Variants in ATP6V1E1 observed in about 807,000 individuals in gnomAD.
ATP6V1E1 encodes the protein ATPase H+ transporting V1 subunit E1, also known as V-type proton ATPase subunit E 1.
ATP6V1E1 carries 21 observed loss-of-function variants against 35.2 expected under a neutral mutation model. The observed-to-expected ratio is 0.60, with a 90% CI of 0.42 to 0.86. The LOEUF (loss-of-function observed/expected upper bound fraction) is 0.86, where lower values mean the gene tolerates loss of function less well. Ranked by LOEUF, ATP6V1E1 falls within the 40% of genes least tolerant of loss-of-function variation. The pLI, the probability that ATP6V1E1 is intolerant of heterozygous loss-of-function variation, is 0.00. For synonymous variants in ATP6V1E1, 83 were observed against 87.8 expected (o/e 0.95, Z 0.30); for missense variants, 183 against 272.6 (o/e 0.67, Z 2.32).
At position 17,619,497 on chromosome 22, in the gene ATP6V1E1, T is replaced by C; in HGVS notation, c.63A>G (p.Gln21=). 6.2e-7 allele frequency: 1 copy of C among 1,604,924 alleles called. No homozygotes were observed. Among genetic ancestry groups the C allele is most frequent in the Non-Finnish European group, 8.5e-7 (1 of 1,176,504 alleles). Residue 21 remains glutamine (Q), a synonymous_variant, in exon 2 of 9, where the codon CAA becomes CAG. Coordinates refer to ENST00000253413, the MANE Select transcript of ATP6V1E1 (RefSeq NM_001696.4). ...QIKHMMAFIE[Q]EANEKAEEID... is the part of the protein sequence containing the mutation. ...TTTCTTCTGCTTTCTCATTGGCTTC[T>C]TGTTCAATGAAAGCCATCATATGCT...
chr22:17,618,412 G>T (rs2057857236), intron 2 of ATP6V1E1, among the ~76,000 whole-genome samples: 1 of 152,096 alleles, frequency 6.6e-6, no homozygotes, highest in African/African-American at 2.4e-5. Flanking sequence ...GCCGGGTGTG[G>T]TGGCTCATGC....
chr22:17,606,955 T>C (rs528731976), intron 4 of ATP6V1E1, among the ~76,000 whole-genome samples: 1 of 152,308 alleles, frequency 6.6e-6, no homozygotes, highest in East Asian at 1.9e-4. Flanking sequence ...TTATTTTCTA[T>C]TAAATCTGAT....
intron 2 of ATP6V1E1, among the ~76,000 whole-genome samples, chr22:17,614,659 CG>C: frequency 7.3e-6 from 1 of 137,678 alleles, no homozygotes; most frequent in Non-Finnish European, 1.5e-5. Context: ...GCAACAAAAG[CG>C]AACTCTTAAA....
At chr22:17,612,067 T>C (rs1453968232) in intron 4 of ATP6V1E1, among the ~76,000 whole-genome samples, 10 of 152,228 alleles carry the variant, frequency 6.6e-5, no homozygotes, top group Admixed American at 6.5e-4. Flanking sequence ...CCAGTCACAT[T>C]GCTGGATTAG....
intron 8 of ATP6V1E1, among the ~76,000 whole-genome samples, chr22:17,593,509 C>T (rs16980884): frequency 0.041 from 6,247 of 152,218 alleles, 452 homozygotes; most frequent in African/African-American, 0.14. Context: ...TTCCAAGGCT[C>T]GGCTGTCCAA....
intron 1 of ATP6V1E1, among the ~76,000 whole-genome samples, chr22:17,622,110 G>A (rs5992081): frequency 3.9e-5 from 6 of 152,188 alleles, no homozygotes; most frequent in African/African-American, 1.4e-4. Context: ...GGGATGCAAT[G>A]GTAGCTTCAT....
At position 17,624,020 on chromosome 22, in the gene ATP6V1E1, T is replaced by G. The variant is rs143099766; in HGVS notation, c.34-4494A>C. Among the ~76,000 whole-genome samples the G allele has an allele frequency of 1.5e-4, 23 of 152,354 alleles. No individual in the cohort carries two copies. The East Asian group carries it at 4.4e-3, about 29-fold the overall frequency. The stretch of plus-strand genomic sequence containing the variant: ...TAATTAAGGTTTTTAGAGTCAGGTT[T>G]CTTTGTAAATTTGATGAAATAAATT... On this transcript the variant is annotated intron_variant, in intron 1 of 8. Coordinates refer to ENST00000253413, the MANE Select transcript of ATP6V1E1 (RefSeq NM_001696.4).
chr22:17,621,010 C>T lies in ATP6V1E1; in HGVS notation c.34-1484G>A, dbSNP rs370703538. ...CCGGGAGGCGAAGCTTGCAGTGAGC[C>T]GAGATCGCGCCACTGCACACCAGCC... On this transcript the variant is annotated intron_variant, in intron 1 of 8. Coordinates refer to ENST00000253413, the MANE Select transcript of ATP6V1E1 (RefSeq NM_001696.4). Among the ~76,000 whole-genome samples the T allele has an allele frequency of 3.1e-3, 474 of 151,964 alleles. 3 individuals carry two copies. The highest frequency in any genetic ancestry group is 0.011 in the African/African-American group (442 of 41,452).
chr22:17,608,778 C>T (rs1020920237), intron 4 of ATP6V1E1, among the ~76,000 whole-genome samples: 6 of 152,144 alleles, frequency 3.9e-5, no homozygotes, highest in African/African-American at 1.4e-4. Flanking sequence ...GAAAACTATC[C>T]TAAGTTGAAA....
At chr22:17,597,435 A>G (rs1394508772) in intron 7 of ATP6V1E1, among the ~76,000 whole-genome samples, 1 of 151,884 alleles carries the variant, frequency 6.6e-6, no homozygotes, top group Non-Finnish European at 1.5e-5. Context: ...TCATTTCCTC[A>G]CAGTCATAAA....
upstream of ATP6V1E1, chr22:17,628,816 G>C: frequency 1.3e-6 from 1 of 796,018 alleles, no homozygotes; most frequent in South Asian, 1.6e-5. Flanking sequence ...TCAGCCAATG[G>C]GAAGAGAGCG....
rs1039141589 is a variant in ATP6V1E1, at chr22:17,592,519, G to A, written c.*155C>T. 4 of 768,458 alleles carry A rather than the reference G, an allele frequency of 5.2e-6. No homozygotes were observed. Among genetic ancestry groups the A allele is most frequent in the Admixed American group, 4.4e-5 (2 of 45,092 alleles). 47.6% of individuals were successfully genotyped at this position (768,458 alleles called of 1,614,324 possible). Reference sequence around the variant, plus strand: ...AGCTTTCCACCATTGTGAACAATTAGGCAAGGCATGAGTGACAGAGGGGCA... The same window carrying A: ...AGCTTTCCACCATTGTGAACAATTAAGCAAGGCATGAGTGACAGAGGGGCA... On this transcript the variant is annotated 3_prime_UTR_variant, in exon 9 of 9. Coordinates refer to ENST00000253413, the MANE Select transcript of ATP6V1E1 (RefSeq NM_001696.4).
chr22:17,615,250 G>A (rs1414671227), intron 2 of ATP6V1E1, among the ~76,000 whole-genome samples: 4 of 152,080 alleles, frequency 2.6e-5, no homozygotes, highest in African/African-American at 4.8e-5. Flanking sequence ...ACAGTGAGCC[G>A]AGATCATGCC....
At chr22:17,599,926 A>C in intron 6 of ATP6V1E1, 101 bp downstream of exon 6, 1 of 1,016,382 alleles carries the variant, frequency 9.8e-7, no homozygotes, top group South Asian at 1.5e-5. Context: ...ACTCCACCAA[A>C]AAAAAAAGAA....
At chr22:17,612,930 A>G in intron 3 of ATP6V1E1, 52 bp from the exon 4 acceptor site, 1 of 1,517,132 alleles carries the variant, frequency 6.6e-7, no homozygotes, top group Admixed American at 1.9e-5. Flanking sequence ...AACTGTAGAG[A>G]AAGAATTCGA....
chr22:17,614,929 T>C (rs1383577902), intron 2 of ATP6V1E1, among the ~76,000 whole-genome samples: 1 of 144,694 alleles, frequency 6.9e-6, no homozygotes, highest in African/African-American at 2.6e-5. Context: ...AGATCGCGCC[T>C]GGGCAGCAGA....
intron 3 of ATP6V1E1, 95 bp downstream of exon 3, chr22:17,613,116 G>T: frequency 9.1e-7 from 1 of 1,094,642 alleles, no homozygotes; most frequent in Non-Finnish European, 1.3e-6. Context: ...AGGTGGTCGA[G>T]TTAAGACCTG....
chr22:17,608,971 A>G (rs2057799846), intron 4 of ATP6V1E1, among the ~76,000 whole-genome samples: 1 of 151,856 alleles, frequency 6.6e-6, no homozygotes. Context: ...CTGTAGTCCC[A>G]GCTACTCAAG....
chr22:17,592,831 C>A lies in ATP6V1E1; in HGVS notation c.619-95G>T, dbSNP rs1410192567. ...TTTTTTTTTTTTTTTGAGACGGAGT[C>A]TCGCTCTGTCGCCCAGGCTGGAGTG... On this transcript the variant is annotated intron_variant, in intron 8 of 8. Coordinates refer to ENST00000253413, the MANE Select transcript of ATP6V1E1 (RefSeq NM_001696.4). 1.7e-5 allele frequency: 19 copies of A among 1,138,898 alleles called. No homozygotes were observed. The Admixed American group carries it at 3.7e-4, about 22-fold the overall frequency. 70.5% of individuals were successfully genotyped at this position (1,138,898 alleles called of 1,614,324 possible). A position where few individuals can be genotyped will look rare whatever the true frequency, so the allele number is the denominator to read the frequency against.
Sources: gnomAD v4.1 joint callset for allele counts (sites outside exome capture counted in the v4.1 genomes callset) on GRCh38, gnomAD v4.1.1 for gene constraint, MANE v1.5 for transcripts, NCBI Gene and HGNC (gene_info 2026-07-23, HGNC 2026-07-21) for gene names.